DAB1: variants seen among roughly 807,000 people sequenced by gnomAD.
DAB1 encodes the protein disabled homolog 1.
A neutral mutation model predicts 64.6 loss-of-function variants in DAB1; 15 were observed. That is an observed-to-expected ratio of 0.23 (90% CI 0.16 to 0.36). DAB1 has a LOEUF of 0.36. Among genes scored for constraint, DAB1 ranks in the 10% least tolerant of loss-of-function variants. The probability of loss-of-function intolerance (pLI) is 1.00; values close to 1 mark genes in which losing one functional copy is unlikely to be tolerated. For synonymous variants in DAB1, 235 were observed against 251.9 expected, an observed-to-expected ratio of 0.93 and a Z score of 0.64; for missense variants, 596 against 706.7, an observed-to-expected ratio of 0.84 and a Z score of 1.78.
At chr1:57,104,642 A>G in intron 4 of DAB1, among the ~76,000 whole-genome samples, 1 of 152,198 alleles carries the variant, frequency 6.6e-6, no homozygotes, top group Non-Finnish European at 1.5e-5. Context: ...CGTGTTGCCC[A>G]TCTAGTGTAC....
intron 4 of DAB1, among the ~76,000 whole-genome samples, chr1:57,114,527 G>A (rs1655941466): frequency 6.6e-6 from 1 of 152,174 alleles, no homozygotes; most frequent in Non-Finnish European, 1.5e-5. Flanking sequence ...TACAGAAGAT[G>A]TTGTCCATTG....
chr1:57,624,581 T>G (rs1465268166), intron 7 of DAB1, among the ~76,000 whole-genome samples: 2 of 152,236 alleles, frequency 1.3e-5, no homozygotes, highest in Admixed American at 6.5e-5. Context: ...TTTGGAGAAT[T>G]AGGTTTGAAA....
rs1276496142 is a variant in DAB1 at position 58,061,237 on chromosome 1, C to T, written n.387+89274G>A. On this transcript the variant is annotated intron_variant and non_coding_transcript_variant, in intron 5 of 20. Coordinates refer to the DAB1 transcript ENST00000485760. Reference sequence around the variant, plus strand: ...TCTAGCTTTGCAACCCTGAGCAAGTCGCTTAACCCCTCTGCTTTAGTATTC... The same window carrying T: ...TCTAGCTTTGCAACCCTGAGCAAGTTGCTTAACCCCTCTGCTTTAGTATTC... Among the ~76,000 whole-genome samples, 7 of 152,320 alleles carry T rather than the reference C, an allele frequency of 4.6e-5. No individual in the cohort carries two copies. In the East Asian group the frequency reaches 1.2e-3, roughly 25 times the overall value.
At chr1:57,724,027 G>A (rs547344133) in intron 6 of DAB1, among the ~76,000 whole-genome samples, 1 of 152,238 alleles carries the variant, frequency 6.6e-6, no homozygotes, top group South Asian at 2.1e-4. Context: ...AGATTAGCTA[G>A]GAAGGAAACG....
chr1:57,754,091 AGGC>A (rs1395626322), intron 6 of DAB1, among the ~76,000 whole-genome samples: 1 of 152,164 alleles, frequency 6.6e-6, no homozygotes, highest in African/African-American at 2.4e-5. Context: ...TCTGAGTCCC[AGGC>A]CAGGTTCTTT....
intron 8 of DAB1, among the ~76,000 whole-genome samples, chr1:57,064,899 G>A (rs1428127648): frequency 2.6e-5 from 4 of 152,142 alleles, no homozygotes. Flanking sequence ...AATCCTCTAA[G>A]AATGCCTACA....
chr1:58,488,046 G>A (rs372538928), intron 3 of DAB1, among the ~76,000 whole-genome samples: 1 of 151,972 alleles, frequency 6.6e-6, no homozygotes, highest in Admixed American at 6.6e-5. Flanking sequence ...CCCTATTTGA[G>A]ACATTTATAG....
At chr1:58,297,062 T>C (rs1036358019) in intron 4 of DAB1, among the ~76,000 whole-genome samples, 1 of 152,178 alleles carries the variant, frequency 6.6e-6, no homozygotes, top group Non-Finnish European at 1.5e-5. Context: ...CACATTTATG[T>C]ATGTCATCTC....
intron 6 of DAB1, among the ~76,000 whole-genome samples, chr1:57,783,396 C>T (rs1349952014): frequency 6.6e-6 from 1 of 152,100 alleles, no homozygotes; most frequent in Non-Finnish European, 1.5e-5. Context: ...GCCACTGTAC[C>T]TGGCTGAAAA....
At chr1:57,644,996 A>T (rs1215007928) in intron 7 of DAB1, among the ~76,000 whole-genome samples, 1 of 152,164 alleles carries the variant, frequency 6.6e-6, no homozygotes, top group Non-Finnish European at 1.5e-5. Flanking sequence ...ACACATCTGG[A>T]CATGGACATG....
intron 5 of DAB1, among the ~76,000 whole-genome samples, chr1:57,949,562 ACAC>A (rs1283574599): frequency 1.0e-4 from 15 of 146,512 alleles, no homozygotes; most frequent in Middle Eastern, 3.2e-3. Flanking sequence ...ACACACACAC[ACAC>A]AATATATATA....
chr1:58,494,162 T>C (rs1029615462), intron 3 of DAB1, among the ~76,000 whole-genome samples: 10 of 152,198 alleles, frequency 6.6e-5, no homozygotes, highest in Non-Finnish European at 1.3e-4. Context: ...AAATAAGAAA[T>C]GGGGAAAGGA....
chr1:57,450,214 C>T (rs1050595988), intron 7 of DAB1, among the ~76,000 whole-genome samples: 9 of 152,196 alleles, frequency 5.9e-5, no homozygotes, highest in Admixed American at 5.2e-4. Flanking sequence ...CTTAAATTCA[C>T]ACTAAAGTGT....
chr1:57,132,507 T>C (rs1657726881), intron 4 of DAB1, among the ~76,000 whole-genome samples: 1 of 152,102 alleles, frequency 6.6e-6, no homozygotes, highest in Admixed American at 6.6e-5. Context: ...ATCTGAAACC[T>C]AAAATTCTCC....
intron 7 of DAB1, among the ~76,000 whole-genome samples, chr1:57,563,324 C>T (rs559125678): frequency 1.3e-5 from 2 of 152,174 alleles, no homozygotes; most frequent in East Asian, 3.9e-4. Context: ...CCAAGATGGC[C>T]AAATAGGAAC....
intron 4 of DAB1, among the ~76,000 whole-genome samples, chr1:58,285,036 C>A (rs1253861004): frequency 1.3e-5 from 2 of 152,130 alleles, no homozygotes; most frequent in Admixed American, 1.3e-4. Context: ...CATAACAAAC[C>A]ATGTGAAACA....
At chr1:57,767,491 A>G (rs1649365209) in intron 6 of DAB1, among the ~76,000 whole-genome samples, 1 of 152,056 alleles carries the variant, frequency 6.6e-6, no homozygotes, top group Non-Finnish European at 1.5e-5. Context: ...TCTCCTCTGT[A>G]CTCTCACTAT....
chr1:57,461,742 A>G (rs961664411), intron 7 of DAB1, among the ~76,000 whole-genome samples: 2 of 151,946 alleles, frequency 1.3e-5, no homozygotes, highest in Non-Finnish European at 2.9e-5. Flanking sequence ...GCATACCTCT[A>G]TCATTGCTCC....
At chr1:58,038,786 C>A (rs767460674) in intron 5 of DAB1, among the ~76,000 whole-genome samples, 2 of 152,140 alleles carry the variant, frequency 1.3e-5, no homozygotes, top group Non-Finnish European at 2.9e-5. Flanking sequence ...TGCCCAGCTG[C>A]AATGATGAGT....
Sources: gnomAD v4.1 joint callset for allele counts (sites outside exome capture counted in the v4.1 genomes callset) on GRCh38, gnomAD v4.1.1 for gene constraint, MANE v1.5 for transcripts, NCBI Gene and HGNC (gene_info 2026-07-23, HGNC 2026-07-21) for gene names.